The following GRB10 variants were observed in gnomAD, a reference collection of about 807,000 sequenced individuals.
GRB10 encodes the protein growth factor receptor-bound protein 10.
A neutral mutation model predicts 80.9 loss-of-function variants in GRB10; 20 were observed. The ratio of observed to expected loss-of-function variants is 0.25; its 90% confidence interval spans 0.17 to 0.36. The LOEUF is 0.36. Ranked by LOEUF, GRB10 falls within the 10% of genes least tolerant of loss-of-function variation. The pLI, the probability that GRB10 is intolerant of heterozygous loss-of-function variation, is 1.00. For missense variants in GRB10, 548 were observed against 747.7 expected (o/e 0.73, Z 3.12); for synonymous variants, 291 against 291.5 (o/e 1.00, Z 0.02).
Position 50,745,400 on chromosome 7 carries a change from C to T in GRB10, c.-47+10487G>A, listed in dbSNP as rs186981514. On this transcript the variant is annotated intron_variant, in intron 3 of 18. Coordinates refer to ENST00000401949, the MANE Select transcript of GRB10 (RefSeq NM_001350814.2). ...TTACCGAATGCCTTTGGGTGTCTTCCAAGGAATAGATCTTTGTACATTTAA... is the reference window on the plus strand; with the variant it reads ...TTACCGAATGCCTTTGGGTGTCTTCTAAGGAATAGATCTTTGTACATTTAA... Among the ~76,000 whole-genome samples the T allele has an allele frequency of 5.7e-3, 865 of 152,100 alleles. 8 individuals carry two copies. Among genetic ancestry groups the T allele is most frequent in the Admixed American group, 7.5e-3 (114 of 15,280 alleles).
intron 4 of GRB10, among the ~76,000 whole-genome samples, chr7:50,716,685 T>C (rs961354718): frequency 1.3e-5 from 2 of 151,808 alleles, no homozygotes; most frequent in African/African-American, 4.8e-5. Flanking sequence ...AGATGAAAAA[T>C]ATGTGGGCAG....
chr7:50,593,819 C>T (rs1442047908), intron 18 of GRB10, among the ~76,000 whole-genome samples: 1 of 152,118 alleles, frequency 6.6e-6, no homozygotes, highest in Non-Finnish European at 1.5e-5. Flanking sequence ...GGAACCACTT[C>T]GTAACTCTAA....
At chr7:50,661,175 A>G (rs2059233367) in intron 7 of GRB10, among the ~76,000 whole-genome samples, 1 of 152,254 alleles carries the variant, frequency 6.6e-6, no homozygotes, top group Non-Finnish European at 1.5e-5. Flanking sequence ...CTGGGAGGCC[A>G]GGACTAGTTT....
chr7:50,612,662 C>T, intron 13 of GRB10, 79 bp downstream of exon 13: 1 of 890,306 alleles, frequency 1.1e-6, no homozygotes, highest in Non-Finnish European at 1.9e-6. Flanking sequence ...CATTTTCCTG[C>T]CAGAATAGAC....
At chr7:50,689,844 C>G (rs2237490) in intron 5 of GRB10, among the ~76,000 whole-genome samples, 92,649 of 151,256 alleles carry the variant, frequency 0.61, 31,149 homozygotes, top group Middle Eastern at 0.85. Flanking sequence ...TACTTGTAAT[C>G]TAACTGAAAT....
chr7:50,784,145 C>G (rs563445902), upstream of GRB10, among the ~76,000 whole-genome samples: 4 of 152,184 alleles, frequency 2.6e-5, no homozygotes, highest in Admixed American at 6.5e-5. Flanking sequence ...GGTGTTAGCG[C>G]TTTTGACTCT....
chr7:50,647,246 G>A (rs1563280615), intron 7 of GRB10, among the ~76,000 whole-genome samples: 1 of 152,248 alleles, frequency 6.6e-6, no homozygotes, highest in East Asian at 1.9e-4. Flanking sequence ...AAAATAGTTA[G>A]TGCTCCAGAA....
chr7:50,679,556 C>T (rs781027473), intron 5 of GRB10, among the ~76,000 whole-genome samples: 5 of 152,126 alleles, frequency 3.3e-5, no homozygotes, highest in African/African-American at 9.7e-5. Flanking sequence ...GTGTTTAGGA[C>T]GTGTCCATTA....
rs116880570 is a variant in GRB10 at position 50,605,968 on chromosome 7, C to T, written c.1272+369G>A. Among the ~76,000 whole-genome samples the T allele has an allele frequency of 4.2e-3, 637 of 152,240 alleles. 11 individuals carry two copies. The highest frequency in any genetic ancestry group is 4.5e-3 in the Non-Finnish European group (306 of 68,022). ...AATTCTCACCAGGGAATGAATGCAG[C>T]GTTAATAGTCAACAGTTCCCATGGG... On this transcript the variant is annotated intron_variant, in intron 14 of 18. Coordinates refer to ENST00000401949, the MANE Select transcript of GRB10 (RefSeq NM_001350814.2).
intron 3 of GRB10, among the ~76,000 whole-genome samples, chr7:50,746,290 A>G (rs987221012): frequency 6.6e-6 from 1 of 152,188 alleles, no homozygotes; most frequent in South Asian, 2.1e-4. Flanking sequence ...CAAAAACACA[A>G]AGCATTATTA....
At chr7:50,605,449 G>A (rs758936674) in intron 14 of GRB10, 43 bp from the exon 15 acceptor site, 29 of 1,468,422 alleles carry the variant, frequency 2.0e-5, no homozygotes, top group Non-Finnish European at 2.1e-5. Context: ...AGGGAAATAA[G>A]GCAGAGTGGA....
intron 6 of GRB10, among the ~76,000 whole-genome samples, chr7:50,672,395 C>T (rs555684433): frequency 2.3e-4 from 35 of 152,378 alleles, no homozygotes; most frequent in African/African-American, 7.9e-4. Context: ...TCATCAGCAT[C>T]TGCACACAGT....
At chr7:50,685,449 G>A (rs2062005745) in intron 5 of GRB10, among the ~76,000 whole-genome samples, 1 of 152,204 alleles carries the variant, frequency 6.6e-6, no homozygotes, top group South Asian at 2.1e-4. Flanking sequence ...CCGTAGGAAA[G>A]AGTGGGCACC....
At chr7:50,634,927 A>G (rs1399405695) in intron 7 of GRB10, among the ~76,000 whole-genome samples, 1 of 152,250 alleles carries the variant, frequency 6.6e-6, no homozygotes, top group Non-Finnish European at 1.5e-5. Flanking sequence ...AATGACAGCA[A>G]TACCATAATA....
chr7:50,698,871 TAAAGATAAACTTGAGA>T (rs1445944958), intron 5 of GRB10, among the ~76,000 whole-genome samples: 1 of 152,246 alleles, frequency 6.6e-6, no homozygotes, highest in East Asian at 1.9e-4. Flanking sequence ...GTATTAAATT[TAAAGATAAACTTGAGA>T]AAATGTGACA....
chr7:50,632,779 T>A (rs1199114716), intron 7 of GRB10, among the ~76,000 whole-genome samples: 1 of 152,096 alleles, frequency 6.6e-6, no homozygotes, highest in Admixed American at 6.5e-5. Flanking sequence ...TCCCAGTTGC[T>A]CCTCCTACTG....
intron 8 of GRB10, among the ~76,000 whole-genome samples, chr7:50,622,369 C>T (rs552789670): frequency 1.3e-5 from 2 of 152,296 alleles, no homozygotes; most frequent in South Asian, 4.1e-4. Flanking sequence ...GTCCAGCTGT[C>T]AGCATCCAAC....
intron 7 of GRB10, among the ~76,000 whole-genome samples, chr7:50,630,345 C>CAGTTTCCTCATCTGTAAAA (rs2053772992): frequency 1.3e-5 from 2 of 152,226 alleles, no homozygotes; most frequent in African/African-American, 4.8e-5. Context: ...CTCTGTGCCT[C>CAGTTTCCTCATCTGTAAAA]AGTTTCCTCA....
rs929238795 is a variant in GRB10 at position 50,591,739 on chromosome 7, G to C, written c.*1213C>G. On this transcript the variant is annotated 3_prime_UTR_variant, in exon 19 of 19. Transcript: ENST00000401949. ...TACTTCTGACCCTAAGCCAGCAGAG[G>C]AGGAGCCTCTAGCTGCTCTGTGTTC... 6.6e-6 allele frequency: 1 copy of C among 152,232 alleles called. No homozygotes were observed. The allele number at this position is 152,232 out of a possible 1,614,324, so 9.4% of individuals were successfully genotyped here.
Sources: gnomAD v4.1 joint callset for allele counts (sites outside exome capture counted in the v4.1 genomes callset) on GRCh38, gnomAD v4.1.1 for gene constraint, MANE v1.5 for transcripts, NCBI Gene and HGNC (gene_info 2026-07-23, HGNC 2026-07-21) for gene names.